KIF17: variants seen among roughly 807,000 people sequenced by gnomAD.
KIF17 encodes kinesin family member 17.
Under a neutral mutation model 96.8 loss-of-function variants are expected in KIF17, and 80 were observed. That is an observed-to-expected ratio of 0.83 (90% CI 0.69 to 1.00). The LOEUF (loss-of-function observed/expected upper bound fraction) is 1.00. Among genes scored for constraint, KIF17 ranks in the 50% least tolerant of loss-of-function variants. The probability of loss-of-function intolerance (pLI) is 0.00; values close to 1 mark genes in which losing one functional copy is unlikely to be tolerated. For synonymous variants in KIF17, 567 were observed against 587.5 expected (o/e 0.97, Z 0.51); for missense variants, 1,280 against 1,372.9 (o/e 0.93, Z 1.07).
At chr1:20,677,340 G>C (rs1425564742) in intron 11 of KIF17, among the ~76,000 whole-genome samples, 2 of 152,174 alleles carry the variant, frequency 1.3e-5, no homozygotes, top group Non-Finnish European at 2.9e-5. Context: ...TAGTGACATC[G>C]AGCAAAATCA....
intron 11 of KIF17, among the ~76,000 whole-genome samples, chr1:20,673,782 C>T (rs768208868): frequency 1.2e-4 from 18 of 152,096 alleles, no homozygotes; most frequent in Non-Finnish European, 2.1e-4. Context: ...CCACCCACCT[C>T]GGCCTCCCAA....
intron 7 of KIF17, among the ~76,000 whole-genome samples, chr1:20,688,213 A>AT (rs909448003): frequency 1.1e-4 from 17 of 151,482 alleles, no homozygotes; most frequent in African/African-American, 3.4e-4. Context: ...TGCCTGGCTA[A>AT]TTTTTTTTGT....
intron 13 of KIF17, among the ~76,000 whole-genome samples, chr1:20,667,759 G>A (rs1016133375): frequency 6.6e-6 from 1 of 152,212 alleles, no homozygotes; most frequent in African/African-American, 2.4e-5. Context: ...TGTAATCCCA[G>A]CACTTTGGGA....
intron 5 of KIF17, among the ~76,000 whole-genome samples, chr1:20,703,477 T>G (rs1194665629): frequency 1.1e-5 from 1 of 91,500 alleles, no homozygotes; most frequent in Non-Finnish European, 2.1e-5. Context: ...GGAGGATGGA[T>G]AGATGGATAG....
intron 5 of KIF17, among the ~76,000 whole-genome samples, chr1:20,703,184 T>C (rs570050795): frequency 2.4e-4 from 34 of 142,612 alleles, no homozygotes; most frequent in Non-Finnish European, 4.5e-4. Context: ...GATGAATGGA[T>C]GGACGGATGG....
At position 20,717,853 on chromosome 1, in the gene KIF17, CCCTCGGGGGGCGCCCCG is replaced by C. The variant is rs2154538221; in HGVS notation, c.-164_-148del. 5.2e-6 allele frequency: 3 copies of C among 575,774 alleles called. No individual in the cohort carries two copies. The highest frequency in any genetic ancestry group is 1.0e-4 in the South Asian group (1 of 9,980). The allele number at this position is 575,774 out of a possible 1,614,324, so 35.7% of individuals were successfully genotyped here. On this transcript the variant is annotated 5_prime_UTR_variant, in exon 1 of 15. Transcript: ENST00000400463. ...CGGGGCCGCGGCGGGGGGCGGGGAC[CCCTCGGGGGGCGCCCCG>C]GAGGGGAGCTGGGCGTCGCAGGACC...
At chr1:20,683,916 C>T (rs1271211806) in intron 10 of KIF17, among the ~76,000 whole-genome samples, 2 of 151,670 alleles carry the variant, frequency 1.3e-5, no homozygotes, top group Non-Finnish European at 2.9e-5. Context: ...TCTGTGAAGG[C>T]CCCCCAGCCT....
At position 20,664,516 on chromosome 1, in the gene KIF17, G is replaced by A; in HGVS notation, c.*68C>T. On this transcript the variant is annotated 3_prime_UTR_variant, in exon 15 of 15. Transcript: ENST00000400463. ...GTGGCAGGTGGGAGGAGACCTGGTT[G>A]GGGCTGCCCTGGGAGGGCCTGGCAG... 6.2e-7 allele frequency: 1 copy of A among 1,612,288 alleles called. No homozygotes were observed.
Position 20,685,784 on chromosome 1 carries a change from C to T in KIF17, c.2019+262G>A, listed in dbSNP as rs954041575. Among the ~76,000 whole-genome samples, 11 of 152,220 alleles carry T rather than the reference C, an allele frequency of 7.2e-5. No homozygotes were observed. Among genetic ancestry groups the T allele is most frequent in the African/African-American group, 2.7e-4 (11 of 41,454 alleles). ...CACACACTGGGCCTCAATTCCTTTA[C>T]ACAAAGGGCGACAAGGCTAAGGAAG... On this transcript the variant is annotated intron_variant, in intron 9 of 14. Transcript: ENST00000400463. The surrounding 1 kb of genome is among the most constrained non-coding windows in gnomAD (Gnocchi z 4.1).
intron 7 of KIF17, among the ~76,000 whole-genome samples, chr1:20,689,308 G>A (rs988644414): frequency 6.6e-6 from 1 of 152,180 alleles, no homozygotes; most frequent in Non-Finnish European, 1.5e-5. Context: ...CAGCATGCGT[G>A]TTTGACTGAC....
intron 13 of KIF17, among the ~76,000 whole-genome samples, chr1:20,669,198 A>G (rs2053589035): frequency 6.6e-6 from 1 of 152,002 alleles, no homozygotes; most frequent in Non-Finnish European, 1.5e-5. Context: ...GCTGCTGGGG[A>G]CAGTAGCTCC....
chr1:20,703,063 A>G (rs911160251), intron 5 of KIF17, among the ~76,000 whole-genome samples: 1 of 152,082 alleles, frequency 6.6e-6, no homozygotes, highest in African/African-American at 2.4e-5. Context: ...GGGTGGGTAT[A>G]TGGATGGTAG....
chr1:20,668,825 A>G (rs539914530), intron 13 of KIF17, among the ~76,000 whole-genome samples: 1 of 152,326 alleles, frequency 6.6e-6, no homozygotes, highest in Non-Finnish European at 1.5e-5. Flanking sequence ...ACAGTGGCAG[A>G]GTTGAGTGGC....
At position 20,669,689 on chromosome 1, in the gene KIF17, C is replaced by A. The variant is rs549955437; in HGVS notation, c.2790+732G>T. On this transcript the variant is annotated intron_variant, in intron 13 of 14. Coordinates refer to ENST00000400463, the MANE Select transcript of KIF17 (RefSeq NM_001122819.3). ...GAGATCGAGACCATCCTGGCCAACC[C>A]GGTGAAACTCTGTCTCTACTAAAAA... Among the ~76,000 whole-genome samples the A allele has an allele frequency of 2.7e-5, 4 of 149,074 alleles. No individual in the cohort carries two copies. In the South Asian group the frequency reaches 8.4e-4, roughly 31 times the overall value.
intron 8 of KIF17, 65 bp from the exon 9 acceptor site, chr1:20,686,191 C>T: frequency 1.4e-6 from 2 of 1,390,084 alleles, no homozygotes; most frequent in Admixed American, 3.9e-5. Flanking sequence ...CCTTTACTCC[C>T]TCACCCCTGG....
At chr1:20,714,361 A>T (rs1329260767) in intron 2 of KIF17, among the ~76,000 whole-genome samples, 1 of 151,340 alleles carries the variant, frequency 6.6e-6, no homozygotes, top group African/African-American at 2.4e-5. Context: ...ATGGTGGTGG[A>T]CACCTGTAAT....
chr1:20,678,164 A>C (rs992710089), intron 11 of KIF17, among the ~76,000 whole-genome samples: 4 of 152,220 alleles, frequency 2.6e-5, no homozygotes, highest in African/African-American at 9.6e-5. Context: ...GTGGCAGGCA[A>C]AAGGAAAATC....
Position 20,685,091 on chromosome 1 carries a change from C to T in KIF17, c.2020-71G>A. On this transcript the variant is annotated intron_variant, in intron 9 of 14. Transcript: ENST00000400463. The surrounding 1 kb of genome is among the most constrained non-coding windows in gnomAD (Gnocchi z 4.1). ...ACCCCCGCCGACAGCTCCCAGGTGG[C>T]TCAATCCCAGACGGGGCCATTCCGC... 1 of 1,285,284 alleles carries T rather than the reference C, an allele frequency of 7.8e-7. No homozygotes were observed. The highest frequency in any genetic ancestry group is 1.1e-6 in the Non-Finnish European group (1 of 904,808). 79.6% of individuals were successfully genotyped at this position (1,285,284 alleles called of 1,614,324 possible).
chr1:20,705,848 G>T (rs1423080289), intron 4 of KIF17, among the ~76,000 whole-genome samples: 1 of 146,504 alleles, frequency 6.8e-6, no homozygotes, highest in African/African-American at 2.5e-5. Flanking sequence ...TGACAGAGCC[G>T]CTCTGGGCTG....
Sources: allele counts gnomAD v4.1 joint callset (sites outside exome capture counted in the v4.1 genomes callset), GRCh38; gene constraint gnomAD v4.1.1; non-coding constraint Gnocchi (gnomAD v3.1); transcripts MANE v1.5; gene names NCBI Gene and HGNC (gene_info 2026-07-23, HGNC 2026-07-21).